TP63: variants seen among roughly 807,000 people sequenced by gnomAD.
TP63 encodes tumor protein 63.
A neutral mutation model predicts 82.8 loss-of-function variants in TP63; 17 were observed. The ratio of observed to expected loss-of-function variants is 0.21; its 90% confidence interval spans 0.14 to 0.31. The LOEUF is 0.31. Ranked by LOEUF, TP63 falls within the 10% of genes least tolerant of loss-of-function variation. TP63 has a pLI of 1.00. For missense variants in TP63, 648 were observed against 895.3 expected (o/e 0.72, Z 3.52); for synonymous variants, 330 against 321.7 (o/e 1.03, Z -0.28).
At chr3:189,893,263 T>C (rs1042131963) in intron 13 of TP63, among the ~76,000 whole-genome samples, 3 of 152,216 alleles carry the variant, frequency 2.0e-5, no homozygotes, top group South Asian at 2.1e-4. Context: ...TATAAAGCAA[T>C]TGTATCTCAT....
intron 1 of TP63, among the ~76,000 whole-genome samples, chr3:189,668,836 G>T (rs1714635564): frequency 6.6e-6 from 1 of 151,884 alleles, no homozygotes; most frequent in African/African-American, 2.4e-5. Context: ...AACACAAGGA[G>T]ACCTTATCTC....
intron 1 of TP63, among the ~76,000 whole-genome samples, chr3:189,643,153 C>T (rs1336570865): frequency 1.3e-5 from 2 of 152,086 alleles, no homozygotes; most frequent in African/African-American, 2.4e-5. Flanking sequence ...AGGCACATGC[C>T]GCTATGCCCA....
chr3:189,628,062 T>A (rs1243037789), upstream of TP63, among the ~76,000 whole-genome samples: 3 of 152,144 alleles, frequency 2.0e-5, no homozygotes, highest in African/African-American at 7.2e-5. Context: ...AAGCCTGCCC[T>A]CAAGCTGTTC....
chr3:189,727,843 T>C (rs1166788192), intron 1 of TP63, among the ~76,000 whole-genome samples: 1 of 152,228 alleles, frequency 6.6e-6, no homozygotes, highest in African/African-American at 2.4e-5. Flanking sequence ...GTACCCTGTT[T>C]GTAAGCATGC....
At chr3:189,599,386 A>G in the TP63 span, among the ~76,000 whole-genome samples, 6 of 152,160 alleles carry the variant, frequency 3.9e-5, no homozygotes, top group Admixed American at 3.9e-4. Context: ...CAATTCCCAT[A>G]ATGTATCATG....
chr3:189,639,371 A>T (rs1395953763), intron 1 of TP63, among the ~76,000 whole-genome samples: 1 of 152,146 alleles, frequency 6.6e-6, no homozygotes, highest in African/African-American at 2.4e-5. Flanking sequence ...ATAAACCATA[A>T]TATTTGGGGG....
At chr3:189,720,110 CA>C (rs764426041) in intron 1 of TP63, among the ~76,000 whole-genome samples, 1 of 152,120 alleles carries the variant, frequency 6.6e-6, no homozygotes, top group Non-Finnish European at 1.5e-5. Flanking sequence ...GCTCGGCCCA[CA>C]AGGTTTTCAT....
chr3:189,745,480 G>A (rs887402209), intron 3 of TP63, among the ~76,000 whole-genome samples: 8 of 151,664 alleles, frequency 5.3e-5, no homozygotes, highest in South Asian at 2.1e-4. Flanking sequence ...AGGCTGAGGC[G>A]GGCAGATCAC....
intron 12 of TP63, among the ~76,000 whole-genome samples, chr3:189,890,025 GC>G (rs1398437258): frequency 6.6e-6 from 1 of 152,204 alleles, no homozygotes; most frequent in Non-Finnish European, 1.5e-5. Flanking sequence ...GTTGAGATAA[GC>G]AGAAGAAAGA....
intron 1 of TP63, among the ~76,000 whole-genome samples, chr3:189,651,934 A>G (rs1245490068): frequency 6.8e-6 from 1 of 147,154 alleles, no homozygotes; most frequent in Non-Finnish European, 1.5e-5. Context: ...GTTGGTGCTC[A>G]TAAGACAAGA....
chr3:189,824,953 T>C (rs560684991), intron 4 of TP63, among the ~76,000 whole-genome samples: 1 of 152,260 alleles, frequency 6.6e-6, no homozygotes, highest in Admixed American at 6.5e-5. Flanking sequence ...GTTTGGTTCC[T>C]CTCCTCTGTA....
intron 1 of TP63, among the ~76,000 whole-genome samples, chr3:189,714,837 T>A (rs1718846213): frequency 6.6e-6 from 1 of 152,162 alleles, no homozygotes; most frequent in Non-Finnish European, 1.5e-5. Flanking sequence ...CTCTTTTTTT[T>A]AAAGTGCTGT....
chr3:189,618,247 A>G, the TP63 span, among the ~76,000 whole-genome samples: 1 of 152,216 alleles, frequency 6.6e-6, no homozygotes, highest in South Asian at 2.1e-4. Context: ...TTTCACTGAG[A>G]AACCCAGCTA....
At chr3:189,698,860 C>T (rs1243027794) in intron 1 of TP63, among the ~76,000 whole-genome samples, 1 of 151,968 alleles carries the variant, frequency 6.6e-6, no homozygotes, top group Non-Finnish European at 1.5e-5. Context: ...GAATACAGAG[C>T]TATAATATTG....
At chr3:189,649,290 G>T (rs1444105517) in intron 1 of TP63, among the ~76,000 whole-genome samples, 1 of 146,972 alleles carries the variant, frequency 6.8e-6, no homozygotes, top group Non-Finnish European at 1.5e-5. Context: ...ACACTATGCA[G>T]CGTGAAAAAG....
chr3:189,840,771 T>C (rs552107199), intron 4 of TP63, among the ~76,000 whole-genome samples: 1 of 148,526 alleles, frequency 6.7e-6, no homozygotes, highest in East Asian at 2.0e-4. Flanking sequence ...GGCAGAGAAT[T>C]GCTTGAACCC....
intron 4 of TP63, among the ~76,000 whole-genome samples, chr3:189,860,258 C>G (rs962542050): frequency 2.6e-5 from 4 of 151,926 alleles, no homozygotes; most frequent in African/African-American, 9.7e-5. Context: ...GTAAAATAAG[C>G]CATGTGTGTT....
intron 1 of TP63, among the ~76,000 whole-genome samples, chr3:189,737,080 A>G (rs1327329766): frequency 2.6e-5 from 4 of 152,180 alleles, no homozygotes; most frequent in African/African-American, 7.2e-5. Context: ...TTCATTTGCA[A>G]AGTGTTCAGA....
chr3:189,762,795 G>A (rs1722677163), intron 3 of TP63, among the ~76,000 whole-genome samples: 1 of 152,194 alleles, frequency 6.6e-6, no homozygotes, highest in Non-Finnish European at 1.5e-5. Context: ...AAAGAGCTGA[G>A]TCTATCACTG....
Sources: gnomAD v4.1 joint callset for allele counts (sites outside exome capture counted in the v4.1 genomes callset) on GRCh38, gnomAD v4.1.1 for gene constraint, MANE v1.5 for transcripts, NCBI Gene and HGNC (gene_info 2026-07-23, HGNC 2026-07-21) for gene names.